The following PCDH15 variants were observed in gnomAD, a reference collection of about 807,000 sequenced individuals.
PCDH15 encodes protocadherin-15.
A neutral mutation model predicts 178.5 loss-of-function variants in PCDH15; 129 were observed. The observed-to-expected ratio is 0.72, with a 90% CI of 0.63 to 0.84. PCDH15 has a LOEUF of 0.84. Ranked by LOEUF, PCDH15 falls within the 40% of genes least tolerant of loss-of-function variation. The pLI, the probability that PCDH15 is intolerant of heterozygous loss-of-function variation, is 0.00. For missense variants in PCDH15, 2,230 were observed against 2,099.9 expected (o/e 1.06, Z -1.21); for synonymous variants, 800 against 732.0 (o/e 1.09, Z -1.50).
intron 26 of PCDH15, among the ~76,000 whole-genome samples, chr10:53,879,100 C>G (rs544510724): frequency 6.7e-6 from 1 of 150,066 alleles, no homozygotes; most frequent in African/African-American, 2.5e-5. Flanking sequence ...TCTATTTGTT[C>G]TTTTTTTTTT....
At chr10:54,930,870 A>G (rs1457624774) in intron 2 of PCDH15, among the ~76,000 whole-genome samples, 1 of 152,188 alleles carries the variant, frequency 6.6e-6, no homozygotes, top group Non-Finnish European at 1.5e-5. Context: ...AGACATACGT[A>G]ATCAATTACA....
chr10:53,868,911 C>T (rs1390142755), intron 26 of PCDH15, among the ~76,000 whole-genome samples: 1 of 152,124 alleles, frequency 6.6e-6, no homozygotes, highest in East Asian at 1.9e-4. Flanking sequence ...CTTAGTCTCC[C>T]AGGTTCAAGC....
intron 2 of PCDH15, among the ~76,000 whole-genome samples, chr10:55,583,964 A>G (rs1842673914): frequency 6.6e-6 from 1 of 151,504 alleles, no homozygotes; most frequent in Non-Finnish European, 1.5e-5. Context: ...TGCAGCCTCC[A>G]CCTCCCAGGC....
chr10:54,947,306 A>C (rs1315224723), intron 2 of PCDH15, among the ~76,000 whole-genome samples: 1 of 151,932 alleles, frequency 6.6e-6, no homozygotes, highest in African/African-American at 2.4e-5. Context: ...ACAAGAAGTA[A>C]AATGAAAATA....
At chr10:54,466,677 C>A (rs371852194) in intron 3 of PCDH15, among the ~76,000 whole-genome samples, 49 of 151,774 alleles carry the variant, frequency 3.2e-4, no homozygotes, top group African/African-American at 1.1e-3. Flanking sequence ...ATGGGTTCTA[C>A]ATAAATATTT....
At chr10:53,894,177 G>T (rs947443903) in intron 26 of PCDH15, among the ~76,000 whole-genome samples, 7 of 152,102 alleles carry the variant, frequency 4.6e-5, no homozygotes, top group Non-Finnish European at 7.4e-5. Flanking sequence ...AATTCTAGTA[G>T]GAAAATCATG....
intron 1 of PCDH15, among the ~76,000 whole-genome samples, chr10:54,781,733 T>C (rs1950382416): frequency 6.6e-6 from 1 of 152,196 alleles, no homozygotes; most frequent in Admixed American, 6.5e-5. Flanking sequence ...TCCCTGGATT[T>C]GAATATCATA....
intron 32 of PCDH15, chr10:53,822,003 A>G: frequency 2.5e-6 from 4 of 1,613,914 alleles, no homozygotes; most frequent in Non-Finnish European, 3.4e-6. Context: ...ATTTGTGCGT[A>G]GATAGTTTTT....
intron 3 of PCDH15, among the ~76,000 whole-genome samples, chr10:54,473,865 T>C (rs745770755): frequency 6.6e-6 from 1 of 151,854 alleles, no homozygotes; most frequent in Non-Finnish European, 1.5e-5. Context: ...AGGTGATTAT[T>C]CCAAATTCCA....
In PCDH15 at chr10:54,263,985, T is replaced by C. The variant is rs568461215; in HGVS notation, c.877-27054A>G. Among the ~76,000 whole-genome samples, 3 of 152,256 alleles carry C rather than the reference T, an allele frequency of 2.0e-5. No individual in the cohort carries two copies. In the East Asian group the frequency reaches 5.8e-4, roughly 30 times the overall value. ...TCTCCTGGCTTTCATCTTTATCCCA[T>C]GCTGGATGCTTCCAGTTCTTCAGAT... On this transcript the variant is annotated intron_variant, in intron 8 of 37. Coordinates refer to ENST00000644397, the MANE Select transcript of PCDH15 (RefSeq NM_001384140.1).
chr10:54,442,613 A>G (rs1565288872), intron 3 of PCDH15, among the ~76,000 whole-genome samples: 1 of 149,720 alleles, frequency 6.7e-6, no homozygotes, highest in South Asian at 2.1e-4. Context: ...GTGGAGTCAT[A>G]TATGTGCAGA....
chr10:54,409,596 A>G (rs1283905345), intron 3 of PCDH15, among the ~76,000 whole-genome samples: 1 of 152,120 alleles, frequency 6.6e-6, no homozygotes, highest in East Asian at 1.9e-4. Context: ...ATTCACTGCT[A>G]TAACTATTTA....
At chr10:54,671,191 G>C (rs569477327) in intron 1 of PCDH15, among the ~76,000 whole-genome samples, 12 of 152,048 alleles carry the variant, frequency 7.9e-5, no homozygotes, top group Non-Finnish European at 1.6e-4. Flanking sequence ...TCAAGCAAAC[G>C]CATGCATCAT....
chr10:54,926,271 C>A (rs1415539237), intron 2 of PCDH15, among the ~76,000 whole-genome samples: 1 of 152,100 alleles, frequency 6.6e-6, no homozygotes, highest in African/African-American at 2.4e-5. Flanking sequence ...GTATGTTGAA[C>A]TAACCTTGAA....
intron 1 of PCDH15, among the ~76,000 whole-genome samples, chr10:55,168,567 T>C (rs1839253991): frequency 1.3e-5 from 2 of 152,146 alleles, no homozygotes; most frequent in Admixed American, 1.3e-4. Context: ...ATTAGCCTCA[T>C]TCTAAGGAAG....
At chr10:54,415,495 G>A (rs1324421922) in intron 3 of PCDH15, among the ~76,000 whole-genome samples, 1 of 152,082 alleles carries the variant, frequency 6.6e-6, no homozygotes, top group Non-Finnish European at 1.5e-5. Context: ...ATGTTGTCAA[G>A]AAGGCAGGAG....
intron 2 of PCDH15, among the ~76,000 whole-genome samples, chr10:55,008,351 T>C (rs1028488989): frequency 1.3e-5 from 2 of 152,192 alleles, no homozygotes; most frequent in Non-Finnish European, 2.9e-5. Context: ...ATAGCATGTG[T>C]AAGCAGACTC....
chr10:55,505,085 T>G (rs1320896841), intron 2 of PCDH15, among the ~76,000 whole-genome samples: 1 of 151,410 alleles, frequency 6.6e-6, no homozygotes, highest in Non-Finnish European at 1.5e-5. Context: ...TTTTTGTTTT[T>G]GTTTTTGTTT....
intron 2 of PCDH15, among the ~76,000 whole-genome samples, chr10:54,948,765 G>A (rs1263390705): frequency 6.6e-6 from 1 of 151,728 alleles, no homozygotes; most frequent in Non-Finnish European, 1.5e-5. Context: ...ATATCATATT[G>A]GTTATGTTTA....
Sources: allele counts gnomAD v4.1 joint callset (sites outside exome capture counted in the v4.1 genomes callset), GRCh38; gene constraint gnomAD v4.1.1; transcripts MANE v1.5; gene names NCBI Gene and HGNC (gene_info 2026-07-23, HGNC 2026-07-21).